The following DGKK variants were observed in gnomAD, a reference collection of about 807,000 sequenced individuals.
DGKK encodes diacylglycerol kinase kappa.
Under a neutral mutation model 92.2 loss-of-function variants are expected in DGKK, and 35 were observed. That is an observed-to-expected ratio of 0.38 (90% CI 0.29 to 0.50). DGKK has a LOEUF of 0.50. Among genes scored for constraint, DGKK ranks in the 20% least tolerant of loss-of-function variants. The probability of loss-of-function intolerance (pLI) is 0.92; values close to 1 mark genes in which losing one functional copy is unlikely to be tolerated. For missense variants in DGKK, 910 were observed against 992.2 expected, an observed-to-expected ratio of 0.92 and a Z score of 1.11; for synonymous variants, 368 against 360.6, an observed-to-expected ratio of 1.02 and a Z score of -0.23.
intron 22 of DGKK, 38 bp downstream of exon 22, chrX:50,378,060 G>A: frequency 1.7e-6 from 2 of 1,186,775 alleles, no homozygotes; most frequent in Non-Finnish European, 2.3e-6. Flanking sequence ...CTATGGATGA[G>A]GCAGTATAGG....
At chrX:50,390,593 T>C (rs1446897870) in intron 11 of DGKK, among the ~76,000 whole-genome samples, 184 bp from the exon 12 acceptor site, 2 of 111,636 alleles carry the variant, frequency 1.8e-5, no homozygotes, top group Non-Finnish European at 3.8e-5. Context: ...CTCTGTCTCA[T>C]GACTTCTGTA....
chrX:50,441,797 T>C (rs898574593), intron 1 of DGKK, among the ~76,000 whole-genome samples: 7 of 111,892 alleles, frequency 6.3e-5, no homozygotes, highest in Non-Finnish European at 1.1e-4. Flanking sequence ...TTTTGTATTA[T>C]TGCCATTTAT....
chrX:50,404,296 G>T, intron 4 of DGKK, 112 bp from the exon 5 acceptor site: 1 of 827,485 alleles, frequency 1.2e-6, no homozygotes, highest in African/African-American at 2.1e-5. Context: ...AGGTGTCAGA[G>T]CGTGTGAAGG....
chrX:50,408,550 T>G (rs1925224973), intron 4 of DGKK, among the ~76,000 whole-genome samples: 1 of 110,019 alleles, frequency 9.1e-6, no homozygotes, highest in African/African-American at 3.3e-5. Flanking sequence ...GGCTAATTTT[T>G]TTTTTTGTAT....
At position 50,470,199 on chromosome X, in the gene DGKK, C is replaced by T. The variant is rs782768952; in HGVS notation, c.480G>A (p.Glu160=). 7.4e-6 allele frequency: 9 copies of T among 1,210,587 alleles called. No individual in the cohort carries two copies. The highest frequency in any genetic ancestry group is 2.3e-4 in the Middle Eastern group (1 of 4,369). The change falls in exon 1 of 28, where the codon GAG becomes GAA. Residue 160 remains glutamate, a synonymous_variant. Transcript: ENST00000611977. ...CCTCAGGGCAGAACTCTGGGGCCAG[C>T]TCTGTCACAGGTTCTGGGGTCGGCT... ...APEPTPEPVT[E]LAPEFCPEAA...
chrX:50,424,122 A>G lies in DGKK; in HGVS notation c.756+126T>C, dbSNP rs181629122. 26 of 499,906 alleles carry G rather than the reference A, an allele frequency of 5.2e-5. No individual in the cohort carries two copies. The Middle Eastern group carries it at 1.8e-3, about 35-fold the overall frequency. 41.2% of individuals were successfully genotyped at this position (499,906 alleles called of 1,213,427 possible). A position where few individuals can be genotyped will look rare whatever the true frequency, so the allele number is the denominator to read the frequency against. ...TGACCCAAAAGGGCAAGTTAAAAAA[A>G]GAGTAGAGGGCTTCAACTTCCACCC... is the stretch of plus-strand genomic sequence containing the variant. On this transcript the variant is annotated intron_variant, in intron 2 of 27. Transcript: ENST00000611977.
chrX:50,374,844 G>A (rs1468367642), intron 25 of DGKK, 127 bp downstream of exon 25: 2 of 511,005 alleles, frequency 3.9e-6, no homozygotes, highest in African/African-American at 2.4e-5. Context: ...ACACAGTAGG[G>A]ACTTCCAGGC....
rs1926375604 is a variant in DGKK, at chrX:50,447,390, ATATATTATAT to A, written c.645+22634_645+22643del. 4.3e-4 allele frequency among the ~76,000 whole-genome samples: 7 copies of A among 16,203 alleles called. 1 individual carries two copies. Among genetic ancestry groups the A allele is most frequent in the African/African-American group, 4.1e-3 (7 of 1,715 alleles). The allele number at this position is 16,203 out of a possible 115,157, so 14.1% of individuals were successfully genotyped here. On this transcript the variant is annotated intron_variant, in intron 1 of 27. Transcript: ENST00000611977. ...TATATTATATATATATATAATATATATATATTATATATATATATAATATATATATATATAT... is the reference window on the plus strand; with the variant it reads ...TATATTATATATATATATAATATATAATATATATAATATATATATATATAT...
chrX:50,423,695 G>A (rs1925661215), intron 2 of DGKK, among the ~76,000 whole-genome samples: 2 of 111,761 alleles, frequency 1.8e-5, no homozygotes, highest in African/African-American at 6.5e-5. Flanking sequence ...TACTACGCTT[G>A]TATGAGCTAC....
chrX:50,400,215 C>T (rs192186483), intron 8 of DGKK, among the ~76,000 whole-genome samples: 9 of 111,538 alleles, frequency 8.1e-5, no homozygotes, highest in African/African-American at 2.9e-4. Context: ...ATGATACCTC[C>T]ATGTCTTACT....
chrX:50,436,346 T>G (rs1449098550), intron 1 of DGKK, among the ~76,000 whole-genome samples: 1 of 112,244 alleles, frequency 8.9e-6, no homozygotes, highest in Admixed American at 9.4e-5. Context: ...AATCTGAGTC[T>G]TGGAGAGATG....
chrX:50,385,326 G>T (rs1924517680), intron 15 of DGKK, among the ~76,000 whole-genome samples: 1 of 111,641 alleles, frequency 9.0e-6, no homozygotes, highest in Non-Finnish European at 1.9e-5. Context: ...GCCAAATGTT[G>T]TATAGCTGAG....
chrX:50,454,067 C>G (rs991773474), intron 1 of DGKK, among the ~76,000 whole-genome samples: 6 of 110,047 alleles, frequency 5.5e-5, no homozygotes, highest in Admixed American at 9.7e-5. Flanking sequence ...TTTTGCTTGC[C>G]TAGAATTCCC....
chrX:50,427,226 T>A (rs1320655999), intron 1 of DGKK, among the ~76,000 whole-genome samples: 1 of 111,257 alleles, frequency 9.0e-6, no homozygotes, highest in South Asian at 3.8e-4. Context: ...AAATGTATAT[T>A]GCTAAGTAAA....
chrX:50,386,279 G>T, intron 15 of DGKK, 79 bp downstream of exon 15: 2 of 725,215 alleles, frequency 2.8e-6, no homozygotes. Flanking sequence ...AGCAAACCCG[G>T]AGTCAGTGAG....
intron 1 of DGKK, among the ~76,000 whole-genome samples, chrX:50,452,145 G>T (rs1162736941): frequency 9.0e-6 from 1 of 111,538 alleles, no homozygotes; most frequent in Non-Finnish European, 1.9e-5. Context: ...ACGCAGAAAG[G>T]TGAGTGAGGG....
At chrX:50,373,044 C>A (rs1569544037) in intron 25 of DGKK, among the ~76,000 whole-genome samples, 3 of 111,873 alleles carry the variant, frequency 2.7e-5, no homozygotes, top group Non-Finnish European at 5.6e-5. Flanking sequence ...GAGGGAGGAG[C>A]AAGTCAGTGC....
chrX:50,428,764 T>C (rs1383278012), intron 1 of DGKK, among the ~76,000 whole-genome samples: 1 of 111,378 alleles, frequency 9.0e-6, no homozygotes, highest in Non-Finnish European at 1.9e-5. Context: ...GTAAAGTACC[T>C]GTAGTCCTTT....
In DGKK at chrX:50,447,401, ATATATATAATATATATATATATATAT is replaced by A. The variant is rs1378845932; in HGVS notation, c.645+22607_645+22632del. Among the ~76,000 whole-genome samples, 83 of 16,442 alleles carry A rather than the reference ATATATATAATATATATATATATATAT, an allele frequency of 5.0e-3. 1 individual carries two copies. The highest frequency in any genetic ancestry group is 7.0e-3 in the South Asian group (3 of 430). The allele number at this position is 16,442 out of a possible 115,157, so 14.3% of individuals were successfully genotyped here. On this transcript the variant is annotated intron_variant, in intron 1 of 27. Coordinates refer to ENST00000611977, the MANE Select transcript of DGKK (RefSeq NM_001013742.4). ...TATATATAATATATATATATTATAT[ATATATATAATATATATATATATATAT>A]TATATATATATTTCACAGAAGTTGA...
Sources: allele counts gnomAD v4.1 joint callset (sites outside exome capture counted in the v4.1 genomes callset), GRCh38; gene constraint gnomAD v4.1.1; transcripts MANE v1.5; gene names NCBI Gene and HGNC (gene_info 2026-07-23, HGNC 2026-07-21).